The following ODF2L variants were observed in gnomAD, a reference collection of about 807,000 sequenced individuals.
ODF2L encodes the protein protein BCAP.
A neutral mutation model predicts 86.3 loss-of-function variants in ODF2L; 76 were observed. That is an observed-to-expected ratio of 0.88 (90% confidence interval 0.73 to 1.07). ODF2L has a LOEUF of 1.07. Among genes scored for constraint, ODF2L ranks in the 50% least tolerant of loss-of-function variants. The pLI is 0.00. For synonymous variants in ODF2L, 241 were observed against 231.3 expected, an observed-to-expected ratio of 1.04 and a Z score of -0.38; for missense variants, 748 against 717.4, an observed-to-expected ratio of 1.04 and a Z score of -0.49.
chr1:86,373,281 C>T (rs1570398933), intron 8 of ODF2L, among the ~76,000 whole-genome samples: 1 of 149,454 alleles, frequency 6.7e-6, no homozygotes, highest in Admixed American at 6.7e-5. Context: ...TTTCTTTTTA[C>T]TGAACTTTCC....
intron 4 of ODF2L, among the ~76,000 whole-genome samples, chr1:86,383,614 A>G (rs1299989505): frequency 6.6e-6 from 1 of 151,794 alleles, no homozygotes; most frequent in East Asian, 1.9e-4. Context: ...CTATATAGCC[A>G]TTTTAAATGA....
At chr1:86,366,391 TACACACACACACACACACACACAC>T (rs71643841) in intron 11 of ODF2L, among the ~76,000 whole-genome samples, 2 of 119,298 alleles carry the variant, frequency 1.7e-5, no homozygotes, top group Non-Finnish European at 3.5e-5. Flanking sequence ...AGACCCCACC[TACACACACACACACACACACACAC>T]ACACACACAC....
chr1:86,353,053 A>C, intron 16 of ODF2L, 69 bp from the exon 16 acceptor site: 1 of 989,606 alleles, frequency 1.0e-6, no homozygotes, highest in South Asian at 1.5e-5. Context: ...CTTGACAGTT[A>C]TATTGTACCT....
intron 13 of ODF2L, among the ~76,000 whole-genome samples, chr1:86,357,348 G>C (rs1367874280): frequency 6.6e-6 from 1 of 150,484 alleles, no homozygotes; most frequent in Non-Finnish European, 1.5e-5. Flanking sequence ...AGATAATGCA[G>C]TATTTTTTTT....
rs762846492 is a variant in ODF2L, at chr1:86,387,071, C to G, written c.-44G>C. On this transcript the variant is annotated 5_prime_UTR_variant, in exon 2 of 18. Coordinates refer to ENST00000317336, the Ensembl canonical transcript of ODF2L. ...TATAGGTGGCTTCACAGCGACTTCT[C>G]CACATAAGCTGAAAGCTAGGAAATA... 3.5e-6 allele frequency: 3 copies of G among 865,066 alleles called. No individual in the cohort carries two copies. The Admixed American group carries it at 8.2e-5, about 24-fold the overall frequency. The allele number at this position is 865,066 out of a possible 1,614,324, so 53.6% of individuals were successfully genotyped here.
Position 86,386,895 on chromosome 1 carries a change from C to A in ODF2L, c.113+20G>T. 8.0e-7 allele frequency: 1 copy of A among 1,246,388 alleles called. No individual in the cohort carries two copies. The highest frequency in any genetic ancestry group is 1.2e-6 in the Non-Finnish European group (1 of 854,698). The allele number at this position is 1,246,388 out of a possible 1,614,324, so 77.2% of individuals were successfully genotyped here. Reference sequence around the variant, plus strand: ...CCTAGAATCGGAAATTTAGATTTCCCCTGATACTGATGAGAATACCAGCTG... The same window carrying A: ...CCTAGAATCGGAAATTTAGATTTCCACTGATACTGATGAGAATACCAGCTG... On this transcript the variant is annotated intron_variant, in intron 2 of 17. Coordinates refer to ENST00000317336, the Ensembl canonical transcript of ODF2L.
intron 7 of ODF2L, among the ~76,000 whole-genome samples, chr1:86,376,818 G>A (rs1660208717): frequency 6.6e-6 from 1 of 152,160 alleles, no homozygotes; most frequent in South Asian, 2.1e-4. Context: ...TCTCTCCCTA[G>A]ACATGTGGAG....
In ODF2L at chr1:86,382,923, T is replaced by C; in HGVS notation, c.507+8A>G. On this transcript the variant is annotated splice_region_variant and intron_variant, in intron 6 of 17. Coordinates refer to ENST00000317336, the Ensembl canonical transcript of ODF2L. ...TGAATTAAGCTCAAAAGCTCAAATT[T>C]TGCTTACCTTTTCACTCTGAAACAA... 6.9e-7 allele frequency: 1 copy of C among 1,457,392 alleles called. No individual in the cohort carries two copies. Among genetic ancestry groups the C allele is most frequent in the Non-Finnish European group, 9.6e-7 (1 of 1,041,852 alleles). The allele number at this position is 1,457,392 out of a possible 1,614,324, so 90.3% of individuals were successfully genotyped here.
chr1:86,370,067 T>C (rs1190978071), intron 10 of ODF2L, among the ~76,000 whole-genome samples: 1 of 151,944 alleles, frequency 6.6e-6, no homozygotes, highest in East Asian at 1.9e-4. Context: ...GTAATTATGT[T>C]TCCAAGAAAC....
chr1:86,348,316 AC>A (rs1286773749), downstream of ODF2L: 2 of 151,810 alleles, frequency 1.3e-5, no homozygotes, highest in African/African-American at 4.8e-5. Context: ...ATGTAATTAC[AC>A]CATTATTAAA....
intron 7 of ODF2L, among the ~76,000 whole-genome samples, chr1:86,378,290 C>A (rs1452549165): frequency 6.6e-6 from 1 of 152,156 alleles, no homozygotes; most frequent in Non-Finnish European, 1.5e-5. Context: ...GCCAGGACTT[C>A]ATTGTCCATA....
intron 7 of ODF2L, among the ~76,000 whole-genome samples, chr1:86,379,304 CT>C (rs1660404465): frequency 1.3e-5 from 2 of 152,184 alleles, no homozygotes; most frequent in African/African-American, 4.8e-5. Flanking sequence ...ACCAATGCTT[CT>C]CTATAACCTG....
In ODF2L at chr1:86,354,738, A is replaced by G. The variant is rs1279724912; in HGVS notation, c.1604+36T>C. 3 of 1,543,074 alleles carry G rather than the reference A, an allele frequency of 1.9e-6. 1 individual carries two copies. The Admixed American group carries it at 5.0e-5, about 26-fold the overall frequency. On this transcript the variant is annotated intron_variant, in intron 15 of 17. Coordinates refer to ENST00000317336, the Ensembl canonical transcript of ODF2L. ...TTTTAAAATGTTAATGTGCAGAGAAATATGCAGCAGCAATGTTAAGTAATT... is the reference window on the plus strand; with the variant it reads ...TTTTAAAATGTTAATGTGCAGAGAAGTATGCAGCAGCAATGTTAAGTAATT...
intron 10 of ODF2L, chr1:86,368,811 G>C: frequency 8.9e-7 from 1 of 1,129,326 alleles, no homozygotes. Context: ...GGAATAACCT[G>C]AATGTCCAAC....
At chr1:86,388,480 C>A (rs1558064158) in intron 1 of ODF2L, among the ~76,000 whole-genome samples, 1 of 151,954 alleles carries the variant, frequency 6.6e-6, no homozygotes, top group Non-Finnish European at 1.5e-5. Flanking sequence ...TATTTGAATC[C>A]TCAGCACCTA....
At position 86,370,808 on chromosome 1, in the gene ODF2L, A is replaced by G. The variant is rs554006031; in HGVS notation, c.1056+210T>C. 2.6e-5 allele frequency among the ~76,000 whole-genome samples: 4 copies of G among 152,334 alleles called. No individual in the cohort carries two copies. The South Asian group carries it at 8.3e-4, about 32-fold the overall frequency. ...ATGATTCATTTAACTGCAAAAATGCATAGTAGTTTATTTTAAAAGTTGAGG... is the reference window on the plus strand; with the variant it reads ...ATGATTCATTTAACTGCAAAAATGCGTAGTAGTTTATTTTAAAAGTTGAGG... On this transcript the variant is annotated intron_variant, in intron 10 of 17. Coordinates refer to ENST00000317336, the Ensembl canonical transcript of ODF2L.
At chr1:86,354,546 T>A in exon 16 of ODF2L, 5 of 1,600,116 alleles carry the variant, frequency 3.1e-6, no homozygotes, top group Non-Finnish European at 4.3e-6. Context: ...TCTTCCTTCT[T>A]CTAAAGCAGC....
At chr1:86,389,105 T>C (rs1165777861) in intron 1 of ODF2L, among the ~76,000 whole-genome samples, 1 of 152,196 alleles carries the variant, frequency 6.6e-6, no homozygotes, top group African/African-American at 2.4e-5. Context: ...TAATTTTATT[T>C]AGCATAAAAA....
intron 17 of ODF2L, chr1:86,352,279 G>A (rs1658190169): frequency 2.9e-6 from 4 of 1,394,326 alleles, no homozygotes; most frequent in Non-Finnish European, 3.8e-6. Context: ...ATTTAATCAT[G>A]AGTAATGCTA....
Sources: gnomAD v4.1 joint callset for allele counts (sites outside exome capture counted in the v4.1 genomes callset) on GRCh38, gnomAD v4.1.1 for gene constraint, MANE v1.5 for transcripts, NCBI Gene and HGNC (gene_info 2026-07-23, HGNC 2026-07-21) for gene names.